ANKFN1: variants seen among roughly 807,000 people sequenced by gnomAD.
ANKFN1 encodes the protein ankyrin repeat and fibronectin type III domain containing 1.
A neutral mutation model predicts 108.7 loss-of-function variants in ANKFN1; 74 were observed. That is an observed-to-expected ratio of 0.68 (90% confidence interval 0.56 to 0.83). The LOEUF is 0.83. Ranked by LOEUF, ANKFN1 falls within the 40% of genes least tolerant of loss-of-function variation. The pLI is 0.00. For synonymous variants in ANKFN1, 547 were observed against 516.2 expected (o/e 1.06, Z -0.81); for missense variants, 1,505 against 1,382.3 (o/e 1.09, Z -1.41).
At chr17:56,479,183 C>A (rs190072206) in intron 16 of ANKFN1, among the ~76,000 whole-genome samples, 2 of 152,298 alleles carry the variant, frequency 1.3e-5, no homozygotes, top group East Asian at 3.9e-4. Flanking sequence ...TGCCAAGGAT[C>A]CAGTTTTCAT....
intron 3 of ANKFN1, chr17:56,323,235 A>C (rs2045419644): frequency 6.6e-6 from 1 of 152,214 alleles, no homozygotes; most frequent in African/African-American, 2.4e-5. Flanking sequence ...GAGGAGTAGA[A>C]GGAAAGAAAG....
chr17:56,115,365 C>T (rs1463120873), intron 4 of ANKFN1, among the ~76,000 whole-genome samples: 1 of 152,122 alleles, frequency 6.6e-6, no homozygotes, highest in Non-Finnish European at 1.5e-5. Context: ...TAAGTACTGA[C>T]ATGCCAAATT....
chr17:56,192,727 G>A (rs1384524939), intron 1 of ANKFN1, among the ~76,000 whole-genome samples: 37 of 77,376 alleles, frequency 4.8e-4, no homozygotes, highest in African/African-American at 2.0e-3. Flanking sequence ...AGTTAGAATG[G>A]CAGTCATTAA....
At chr17:56,192,204 A>G (rs1913006894) in intron 1 of ANKFN1, among the ~76,000 whole-genome samples, 1 of 150,442 alleles carries the variant, frequency 6.6e-6, no homozygotes, top group East Asian at 2.0e-4. Context: ...CCATATGTAG[A>G]AAGCTGAAAC....
intron 8 of ANKFN1, among the ~76,000 whole-genome samples, chr17:56,436,252 G>A (rs950246133): frequency 1.3e-5 from 2 of 152,162 alleles, no homozygotes; most frequent in African/African-American, 4.8e-5. Context: ...ATCACAGTGT[G>A]AGCCAGAGCC....
intron 16 of ANKFN1, among the ~76,000 whole-genome samples, chr17:56,478,363 C>T (rs1244917202): frequency 1.3e-5 from 2 of 152,052 alleles, no homozygotes; most frequent in African/African-American, 4.8e-5. Flanking sequence ...TTTTAAATAT[C>T]GCCTACAGGA....
intron 7 of ANKFN1, 76 bp downstream of exon 7, chr17:56,372,916 A>ATT: frequency 7.1e-6 from 10 of 1,400,124 alleles, no homozygotes; most frequent in East Asian, 2.5e-5. Context: ...TCTTTTACAG[A>ATT]TTTTTTTTTT....
At chr17:56,428,572 C>T (rs1598592851) in intron 8 of ANKFN1, among the ~76,000 whole-genome samples, 2 of 151,264 alleles carry the variant, frequency 1.3e-5, no homozygotes, top group Non-Finnish European at 2.9e-5. Flanking sequence ...AAATGATTCT[C>T]ATGCCTCAGC....
intron 3 of ANKFN1, among the ~76,000 whole-genome samples, chr17:56,240,444 A>G (rs1261958885): frequency 6.6e-6 from 1 of 152,042 alleles, no homozygotes; most frequent in Non-Finnish European, 1.5e-5. Flanking sequence ...CATTCATTCT[A>G]TTGGTGAAAA....
chr17:56,162,578 C>T (rs570540439), intron 1 of ANKFN1, among the ~76,000 whole-genome samples: 1 of 152,216 alleles, frequency 6.6e-6, no homozygotes, highest in East Asian at 1.9e-4. Context: ...TTTAAAGACC[C>T]TATCTCCAAA....
intron 4 of ANKFN1, among the ~76,000 whole-genome samples, chr17:56,104,543 A>G (rs914380462): frequency 1.4e-4 from 21 of 152,200 alleles, no homozygotes; most frequent in African/African-American, 4.6e-4. Context: ...ATAGAGAAGC[A>G]TAGTCCCCTG....
intron 4 of ANKFN1, among the ~76,000 whole-genome samples, chr17:56,117,464 T>C (rs1443100489): frequency 6.6e-6 from 1 of 152,202 alleles, no homozygotes; most frequent in African/African-American, 2.4e-5. Flanking sequence ...CCAAATGGGA[T>C]GGGCCACAAA....
At chr17:56,255,673 T>A (rs2043340709) in intron 3 of ANKFN1, among the ~76,000 whole-genome samples, 1 of 152,246 alleles carries the variant, frequency 6.6e-6, no homozygotes, top group Non-Finnish European at 1.5e-5. Context: ...CCAATCATGC[T>A]TTGTAAATGA....
At chr17:56,481,904 A>G (rs566539164) in intron 17 of ANKFN1, among the ~76,000 whole-genome samples, 11 of 152,050 alleles carry the variant, frequency 7.2e-5, no homozygotes, top group Admixed American at 2.0e-4. Context: ...GGCTACATAT[A>G]CATGTTGGGA....
At chr17:56,448,503 G>T (rs1261701500) in intron 10 of ANKFN1, among the ~76,000 whole-genome samples, 6 of 152,166 alleles carry the variant, frequency 3.9e-5, no homozygotes, top group South Asian at 4.1e-4. Flanking sequence ...TATGTGCAGG[G>T]GCTGCTGTGC....
chr17:56,180,010 G>A (rs1009748477), intron 1 of ANKFN1, among the ~76,000 whole-genome samples: 7 of 152,114 alleles, frequency 4.6e-5, no homozygotes, highest in African/African-American at 1.7e-4. Context: ...CTGAATACTC[G>A]TATGTGAATA....
intron 4 of ANKFN1, among the ~76,000 whole-genome samples, chr17:56,068,500 C>G (rs186422584): frequency 6.6e-6 from 1 of 152,154 alleles, no homozygotes; most frequent in Non-Finnish European, 1.5e-5. Context: ...TTGTCTCCCA[C>G]TGACTGAGCT....
At chr17:56,300,607 A>G (rs1185449156) in intron 3 of ANKFN1, among the ~76,000 whole-genome samples, 1 of 136,080 alleles carries the variant, frequency 7.3e-6, no homozygotes, top group Non-Finnish European at 1.6e-5. Flanking sequence ...TTTTTTTTTT[A>G]AAGAAAACGA....
intron 8 of ANKFN1, among the ~76,000 whole-genome samples, chr17:56,376,735 A>C (rs1006845274): frequency 1.3e-5 from 2 of 152,220 alleles, no homozygotes; most frequent in African/African-American, 4.8e-5. Context: ...TGAGGTTGAA[A>C]TGAAAGGTCA....
Sources: allele counts gnomAD v4.1 joint callset (sites outside exome capture counted in the v4.1 genomes callset), GRCh38; gene constraint gnomAD v4.1.1; transcripts MANE v1.5; gene names NCBI Gene and HGNC (gene_info 2026-07-23, HGNC 2026-07-21).